Variants in SLC25A33 observed in about 807,000 individuals in gnomAD.
The protein encoded by SLC25A33 is bone marrow stromal cell mitochondrial carrier protein.
SLC25A33 carries 15 observed loss-of-function variants against 35.5 expected under a neutral mutation model. The observed-to-expected ratio is 0.42, with a 90% CI of 0.28 to 0.65. The LOEUF (loss-of-function observed/expected upper bound fraction) is 0.65, where lower values mean the gene tolerates loss of function less well. SLC25A33 is among the 30% of genes least tolerant of loss of function. SLC25A33 has a pLI of 0.20. For missense variants in SLC25A33, 257 were observed against 398.5 expected (o/e 0.64, Z 3.02); for synonymous variants, 136 against 148.7 (o/e 0.91, Z 0.62).
intron 4 of SLC25A33, among the ~76,000 whole-genome samples, chr1:9,572,161 T>C (rs781359700): frequency 4.6e-5 from 7 of 152,198 alleles, no homozygotes; most frequent in Non-Finnish European, 1.0e-4. Flanking sequence ...TACAGAGCTC[T>C]GAGGAGGAAA....
At chr1:9,554,224 C>A (rs771054490) in intron 2 of SLC25A33, among the ~76,000 whole-genome samples, 23 of 152,206 alleles carry the variant, frequency 1.5e-4, no homozygotes, top group Non-Finnish European at 2.2e-4. Flanking sequence ...CGCTCTGTCA[C>A]CCAAGCTGGA....
In SLC25A33 at chr1:9,556,097, C is replaced by T. The variant is rs553584474; in HGVS notation, c.236+2292C>T. Reference sequence around the variant, plus strand: ...CACAGAGATGTGGAGGGACACTTTGCTCTCAGGACAGATCCGAGTCCATGG... The same window carrying T: ...CACAGAGATGTGGAGGGACACTTTGTTCTCAGGACAGATCCGAGTCCATGG... On this transcript the variant is annotated intron_variant, in intron 2 of 6. Transcript: ENST00000302692. 35 of 670,554 alleles carry T rather than the reference C, an allele frequency of 5.2e-5. No individual in the cohort carries two copies. The African/African-American group carries it at 5.9e-4, about 11-fold the overall frequency. The allele number at this position is 670,554 out of a possible 1,614,324, so 41.5% of individuals were successfully genotyped here.
chr1:9,550,012 T>TATATATATATATATATATA (rs55887722), intron 1 of SLC25A33, among the ~76,000 whole-genome samples: 2 of 33,844 alleles, frequency 5.9e-5, no homozygotes, highest in African/African-American at 1.7e-4. Context: ...TATATATATA[T>TATATATATATATATATATA]TTTTTTTTTT....
chr1:9,551,486 T>A lies in SLC25A33; in HGVS notation c.57-2140T>A, dbSNP rs1643266585. 2.0e-5 allele frequency among the ~76,000 whole-genome samples: 3 copies of A among 152,304 alleles called. No individual in the cohort carries two copies. The South Asian group carries it at 6.2e-4, about 32-fold the overall frequency. ...TAGGTTTGCTTCTAGATTTCCAACA[T>A]TTGCCTCTAGTGGAGTAGGGAAGCT... On this transcript the variant is annotated intron_variant, in intron 1 of 6. Coordinates refer to ENST00000302692, the MANE Select transcript of SLC25A33 (RefSeq NM_032315.3).
intron 2 of SLC25A33, among the ~76,000 whole-genome samples, chr1:9,562,993 A>C (rs1193405148): frequency 1.4e-5 from 2 of 140,894 alleles, no homozygotes. Context: ...ATCTCGGCTC[A>C]CTGCAAGCTC....
chr1:9,557,582 C>G (rs1362213882), intron 2 of SLC25A33, among the ~76,000 whole-genome samples: 1 of 151,972 alleles, frequency 6.6e-6, no homozygotes, highest in Non-Finnish European at 1.5e-5. Context: ...CACCTATAAT[C>G]CCAGCTACTC....
At chr1:9,544,079 T>C (rs548614975) in intron 1 of SLC25A33, among the ~76,000 whole-genome samples, 26 of 151,824 alleles carry the variant, frequency 1.7e-4, no homozygotes, top group Non-Finnish European at 2.9e-4. Context: ...CACTCCAGCC[T>C]GGGAGACAGA....
At chr1:9,564,788 G>T (rs1643480135) in intron 2 of SLC25A33, among the ~76,000 whole-genome samples, 1 of 140,568 alleles carries the variant, frequency 7.1e-6, no homozygotes, top group Admixed American at 7.1e-5. Flanking sequence ...GCTGAGCGTG[G>T]TGGCACTCAC....
chr1:9,577,955 A>G (rs949250290), intron 5 of SLC25A33, among the ~76,000 whole-genome samples: 1 of 151,940 alleles, frequency 6.6e-6, no homozygotes, highest in Non-Finnish European at 1.5e-5. Context: ...ACAGAGTCTT[A>G]CTCTGTTGTC....
At chr1:9,543,760 T>C (rs116341095) in intron 1 of SLC25A33, among the ~76,000 whole-genome samples, 4,473 of 152,302 alleles carry the variant, frequency 0.029, 78 homozygotes, top group Non-Finnish European at 0.044. Flanking sequence ...TTTTTTGTTT[T>C]GCCATCCTAG....
At chr1:9,541,976 T>C (rs374923839) in intron 1 of SLC25A33, among the ~76,000 whole-genome samples, 2 of 152,084 alleles carry the variant, frequency 1.3e-5, no homozygotes, top group African/African-American at 4.8e-5. Context: ...ATTTTGTATA[T>C]TTTTAGTAGA....
In SLC25A33 at chr1:9,582,564, C is replaced by T. The variant is rs1187216954; in HGVS notation, c.*63C>T. The T allele has an allele frequency of 2.7e-6, 4 of 1,494,106 alleles. No homozygotes were observed. The highest frequency in any genetic ancestry group is 1.3e-5 in the South Asian group (1 of 79,374). 92.6% of individuals were successfully genotyped at this position (1,494,106 alleles called of 1,614,324 possible). On this transcript the variant is annotated 3_prime_UTR_variant, in exon 7 of 7. Transcript: ENST00000302692. The surrounding 1 kb of genome is among the most constrained non-coding windows in gnomAD (Gnocchi z 4.0). ...AAAACTCTAGAGAATTTTTTTTCCC[C>T]ATTGATGTTTAGAAAGTTTGAGACT...
At chr1:9,547,601 G>A (rs1265702986) in intron 1 of SLC25A33, among the ~76,000 whole-genome samples, 1 of 152,104 alleles carries the variant, frequency 6.6e-6, no homozygotes, top group African/African-American at 2.4e-5. Context: ...CTCAACTTTG[G>A]TTGGATGATT....
intron 1 of SLC25A33, among the ~76,000 whole-genome samples, chr1:9,540,195 G>A (rs1469027229): frequency 1.3e-5 from 2 of 152,178 alleles, no homozygotes; most frequent in Non-Finnish European, 2.9e-5. Flanking sequence ...GGGCAGCGCG[G>A]GAGGTCATCC....
chr1:9,569,923 A>T (rs1354327312), intron 3 of SLC25A33, among the ~76,000 whole-genome samples: 1 of 152,236 alleles, frequency 6.6e-6, no homozygotes, highest in Non-Finnish European at 1.5e-5. Flanking sequence ...AACAAAAAAA[A>T]AAATTAAAAC....
intron 5 of SLC25A33, 81 bp downstream of exon 5, chr1:9,573,493 G>A (rs779077008): frequency 8.7e-5 from 101 of 1,156,428 alleles, no homozygotes; most frequent in Admixed American, 2.8e-4. Flanking sequence ...ACATCTCTAA[G>A]GATGAGATAT....
At chr1:9,540,316 CAT>C (rs1643060031) in intron 1 of SLC25A33, among the ~76,000 whole-genome samples, 1 of 152,186 alleles carries the variant, frequency 6.6e-6, no homozygotes, top group Non-Finnish European at 1.5e-5. Context: ...GACCCGAACT[CAT>C]ATGAGGTCTG....
chr1:9,545,748 T>C (rs1452201857), intron 1 of SLC25A33, among the ~76,000 whole-genome samples: 1 of 148,574 alleles, frequency 6.7e-6, no homozygotes, highest in Non-Finnish European at 1.5e-5. Flanking sequence ...TCACTTGAGG[T>C]CAGGAGTTCA....
rs554258511 is a variant in SLC25A33 at position 9,539,627 on chromosome 1, G to A, written c.-65G>A. On this transcript the variant is annotated 5_prime_UTR_variant, in exon 1 of 7. Coordinates refer to ENST00000302692, the MANE Select transcript of SLC25A33 (RefSeq NM_032315.3). ...GGGAGACAAGACCCGGCGACCTCGC[G>A]CATCCCTCGAGCCGCCACGCGCTCT... 4.8e-6 allele frequency: 6 copies of A among 1,253,612 alleles called. No individual in the cohort carries two copies. The highest frequency in any genetic ancestry group is 4.2e-5 in the Admixed American group (1 of 23,692). The allele number at this position is 1,253,612 out of a possible 1,614,324, so 77.7% of individuals were successfully genotyped here.
Sources: gnomAD v4.1 joint callset for allele counts (sites outside exome capture counted in the v4.1 genomes callset) on GRCh38, gnomAD v4.1.1 for gene constraint, Gnocchi (gnomAD v3.1) non-coding constraint, MANE v1.5 for transcripts, NCBI Gene and HGNC (gene_info 2026-07-23, HGNC 2026-07-21) for gene names.